The following TET2 variants were observed in gnomAD, a reference collection of about 807,000 sequenced individuals.
TET2 encodes methylcytosine dioxygenase TET2.
TET2 carries 299 observed loss-of-function variants against 142.9 expected under a neutral mutation model. That is an observed-to-expected ratio of 2.09 (90% CI 1.90 to 2.30). The LOEUF is 2.30. Ranked by LOEUF, TET2 falls within the 30% of genes most tolerant of loss-of-function variation. TET2 has a pLI of 0.00. For missense variants in TET2, 2,418 were observed against 2,378.0 expected, an observed-to-expected ratio of 1.02 and a Z score of -0.35; for synonymous variants, 819 against 849.0, an observed-to-expected ratio of 0.96 and a Z score of 0.61.
At chr4:105,228,022 C>T (rs1728286508) in intron 2 of TET2, among the ~76,000 whole-genome samples, 1 of 152,058 alleles carries the variant, frequency 6.6e-6, no homozygotes, top group African/African-American at 2.4e-5. Context: ...GAGCAAAATG[C>T]ATAGGTCTCA....
chr4:105,160,614 CTG>C (rs759867143), intron 1 of TET2, among the ~76,000 whole-genome samples: 10 of 152,198 alleles, frequency 6.6e-5, no homozygotes, highest in Non-Finnish European at 1.5e-4. Context: ...CTTTCATAGA[CTG>C]TGTTTTTGTA....
intron 10 of TET2, among the ~76,000 whole-genome samples, chr4:105,273,654 T>G (rs1378682622): frequency 6.6e-6 from 1 of 152,192 alleles, no homozygotes; most frequent in Non-Finnish European, 1.5e-5. Flanking sequence ...CCTACTGTTT[T>G]AGGTTTCTAA....
chr4:105,242,798 A>G (rs1729373643), intron 4 of TET2, 36 bp from the exon 5 acceptor site: 2 of 1,535,288 alleles, frequency 1.3e-6, no homozygotes, highest in Non-Finnish European at 1.8e-6. Context: ...TCATTTGCTA[A>G]TTGTATGTGT....
chr4:105,261,799 T>A lies in TET2; in HGVS notation c.3995T>A (p.Leu1332His). Residue 1332 changes from leucine to histidine, a missense_variant, in exon 8 of 11, where the codon CTT (leucine) becomes CAT (histidine). Physicochemically the swap from Leu to His is moderately conservative, Grantham distance 99. Transcript: ENST00000380013. ...LESHLQNLSTLMAPTYKKLAP... is the reference protein window; with the variant it reads ...LESHLQNLSTHMAPTYKKLAP... Reference sequence around the variant, plus strand: ...TCTCATTTGCAAAACCTGTCCACTCTTATGGCACCAACATATAAGAAACTT... The same window carrying A: ...TCTCATTTGCAAAACCTGTCCACTCATATGGCACCAACATATAAGAAACTT... 6.5e-7 allele frequency: 1 copy of A among 1,549,938 alleles called. No homozygotes were observed. The highest frequency in any genetic ancestry group is 8.7e-7 in the Non-Finnish European group (1 of 1,145,826).
chr4:105,253,462 C>T (rs976922964), intron 6 of TET2, among the ~76,000 whole-genome samples: 1 of 151,518 alleles, frequency 6.6e-6, no homozygotes, highest in Non-Finnish European at 1.5e-5. Context: ...TCTGCTTGTA[C>T]ATTGCTGGTA....
chr4:105,225,566 T>C (rs1728141521), intron 2 of TET2, among the ~76,000 whole-genome samples: 1 of 152,168 alleles, frequency 6.6e-6, no homozygotes, highest in African/African-American at 2.4e-5. Context: ...CAAGAGTGAC[T>C]TGGGTGGCTG....
intron 2 of TET2, among the ~76,000 whole-genome samples, chr4:105,227,276 G>A (rs773936644): frequency 1.3e-5 from 2 of 152,160 alleles, no homozygotes; most frequent in Admixed American, 1.3e-4. Context: ...AGGTTCTTCT[G>A]TCTCTGTTCT....
chr4:105,181,978 ATAT>A (rs914055163), intron 1 of TET2, among the ~76,000 whole-genome samples: 8 of 152,014 alleles, frequency 5.3e-5, no homozygotes, highest in Admixed American at 2.6e-4. Context: ...TATAATTTTA[ATAT>A]TATGAAAATA....
intron 1 of TET2, among the ~76,000 whole-genome samples, chr4:105,159,753 C>G (rs1355162488): frequency 6.6e-6 from 1 of 152,178 alleles, no homozygotes; most frequent in African/African-American, 2.4e-5. Context: ...GGATGGCTCA[C>G]GCCTGTAATC....
At chr4:105,217,140 T>G (rs752453010) in intron 2 of TET2, among the ~76,000 whole-genome samples, 14 of 151,974 alleles carry the variant, frequency 9.2e-5, no homozygotes, top group Non-Finnish European at 2.1e-4. Context: ...TTATATCCTA[T>G]GAACAGACCT....
Position 105,275,241 on chromosome 4 carries a change from TCC to T in TET2, c.4732_4733del (p.Pro1578LeufsTer35). 6.4e-7 allele frequency: 1 copy of T among 1,552,332 alleles called. No homozygotes were observed. Among genetic ancestry groups the T allele is most frequent in the South Asian group, 1.2e-5 (1 of 84,058 alleles). ...PYMRRPNPVS[P>X]YPNSSHTSDI... is the part of the protein sequence containing the mutation. The stretch of plus-strand genomic sequence containing the variant: ...ACATGAGACGGCCCAATCCAGTTAG[TCC>T]TTATCCAAACTCTTCACACACTTCA... On this transcript the variant is annotated frameshift_variant, in exon 11 of 11. Transcript: ENST00000380013. LOFTEE classifies it low-confidence loss of function (END_TRUNC).
chr4:105,200,558 A>G (rs563382114), intron 2 of TET2, among the ~76,000 whole-genome samples: 10 of 151,568 alleles, frequency 6.6e-5, no homozygotes, highest in African/African-American at 1.2e-4. Flanking sequence ...ATTAGATCCC[A>G]TTTGTGAATT....
At chr4:105,251,385 G>A (rs1292784613) in intron 6 of TET2, among the ~76,000 whole-genome samples, 2 of 152,152 alleles carry the variant, frequency 1.3e-5, no homozygotes, top group African/African-American at 4.8e-5. Flanking sequence ...AAAAAAGACT[G>A]TGTCAAGTTC....
rs554358092 is a variant in TET2, at chr4:105,204,594, A to G, written c.-47+14089A>G. Among the ~76,000 whole-genome samples, 133 of 152,306 alleles carry G rather than the reference A, an allele frequency of 8.7e-4. 3 individuals are homozygous for G. Among genetic ancestry groups the G allele is most frequent in the African/African-American group, 3.2e-3 (132 of 41,580 alleles). On this transcript the variant is annotated intron_variant, in intron 2 of 10. Coordinates refer to ENST00000380013, the MANE Select transcript of TET2 (RefSeq NM_001127208.3). ...AATTGAAAAGAATATCTGTGGCACA[A>G]TGGGCTCTGGGTATAATTGCAGGAT...
At chr4:105,163,954 C>T (rs1249458715) in intron 1 of TET2, among the ~76,000 whole-genome samples, 1 of 150,930 alleles carries the variant, frequency 6.6e-6, no homozygotes, top group Non-Finnish European at 1.5e-5. Flanking sequence ...TTAAGAGATA[C>T]AGTGTGATGT....
rs1728847237 is a variant in TET2, at chr4:105,235,901, C to G, written c.1959C>G (p.Phe653Leu). The G allele has an allele frequency of 6.2e-7, 1 of 1,613,934 alleles. No homozygotes were observed. Among genetic ancestry groups the G allele is most frequent in the South Asian group, 1.1e-5 (1 of 91,082 alleles). ...SQGTVDQHLQFQKPSHQVHFS... is the reference protein window; with the variant it reads ...SQGTVDQHLQLQKPSHQVHFS... ...GTACAGTGGACCAACATCTCCAGTT[C>G]CAAAAACCCTCACACCAGGTGCACT... Residue 653 changes from phenylalanine to leucine, a missense_variant, in exon 3 of 11, where the codon TTC (phenylalanine) becomes TTG (leucine). Phe to Leu is a conservative substitution (Grantham distance 22). Transcript: ENST00000380013.
intron 1 of TET2, among the ~76,000 whole-genome samples, chr4:105,163,910 T>A (rs2110389600): frequency 6.7e-6 from 1 of 149,426 alleles, no homozygotes; most frequent in South Asian, 2.2e-4. Flanking sequence ...TGAGGTATAA[T>A]TGACAAGTAA....
chr4:105,183,879 ACTCCTTTCTT>A (rs575860126), intron 1 of TET2, among the ~76,000 whole-genome samples: 1 of 151,732 alleles, frequency 6.6e-6, no homozygotes, highest in Non-Finnish European at 1.5e-5. Context: ...TTCCCCTTTC[ACTCCTTTCTT>A]CTCCTATACT....
At chr4:105,269,080 T>G (rs1309562976) in intron 8 of TET2, among the ~76,000 whole-genome samples, 7 of 152,162 alleles carry the variant, frequency 4.6e-5, no homozygotes, top group African/African-American at 1.7e-4. Context: ...CCAACATATA[T>G]AATATGGTCA....
Sources: allele counts gnomAD v4.1 joint callset (sites outside exome capture counted in the v4.1 genomes callset), GRCh38; gene constraint gnomAD v4.1.1; transcripts MANE v1.5; gene names NCBI Gene and HGNC (gene_info 2026-07-23, HGNC 2026-07-21).